The following DUSP15 variants were observed in gnomAD, a reference collection of about 807,000 sequenced individuals.
DUSP15 encodes dual specificity protein phosphatase 15.
In DUSP15, 23 loss-of-function variants were observed where a neutral mutation model predicts 26.3. The ratio of observed to expected loss-of-function variants is 0.87; its 90% CI spans 0.63 to 1.24. DUSP15 has a LOEUF of 1.24. Among genes scored for constraint, DUSP15 ranks in the 50% most tolerant of loss-of-function variants. The pLI is 0.00. For synonymous variants in DUSP15, 143 were observed against 135.5 expected (o/e 1.06, Z -0.39); for missense variants, 364 against 320.6 (o/e 1.14, Z -1.03).
intron 2 of DUSP15, among the ~76,000 whole-genome samples, chr20:31,868,292 G>C (rs1600485563): frequency 2.0e-5 from 3 of 152,116 alleles, no homozygotes; most frequent in South Asian, 4.1e-4. Context: ...AATCAAGGTG[G>C]CATGAGCGGC....
In DUSP15 at chr20:31,861,657, C is replaced by G. The variant is rs770784968; in HGVS notation, c.454G>C (p.Glu152Gln). ...SSQKLRRQLE[E>Q]RFGESPFRDE... ...CGGAAGGGGCTCTCGCCGAAGCGCT[C>G]CTCCAGCTGCCGGCGAAGCTGGGGT... The change falls in exon 7 of 7, where the codon GAG (glutamate) becomes CAG (glutamine). Residue 152 changes from glutamate (E) to glutamine (Q), a missense_variant. Transcript: ENST00000339738. 6.7e-7 allele frequency: 1 copy of G among 1,481,756 alleles called. No individual in the cohort carries two copies. Among genetic ancestry groups the G allele is most frequent in the Non-Finnish European group, 8.9e-7 (1 of 1,124,396 alleles). 91.8% of individuals were successfully genotyped at this position (1,481,756 alleles called of 1,614,324 possible). A position where few individuals can be genotyped will look rare whatever the true frequency, so the allele number is the denominator to read the frequency against.
chr20:31,846,796 C>T (rs2062382682), downstream of DUSP15, among the ~76,000 whole-genome samples: 1 of 152,188 alleles, frequency 6.6e-6, no homozygotes, highest in Admixed American at 6.5e-5. Context: ...AGAGGCACCT[C>T]AAGACCTTGG....
intron 8 of DUSP15, among the ~76,000 whole-genome samples, chr20:31,849,277 C>G (rs1257505761): frequency 6.6e-6 from 1 of 152,110 alleles, no homozygotes; most frequent in Non-Finnish European, 1.5e-5. Context: ...CGCCTCAAGC[C>G]TTCTCCATGC....
At chr20:31,867,206 C>T in intron 2 of DUSP15, 53 bp from the exon 3 acceptor site, 1 of 1,511,272 alleles carries the variant, frequency 6.6e-7, no homozygotes, top group Non-Finnish European at 9.0e-7. Context: ...GTCCTGATGG[C>T]CAAGTGCGGA....
At chr20:31,861,878 G>GC (rs2062667797) in intron 6 of DUSP15, among the ~76,000 whole-genome samples, 1 of 151,778 alleles carries the variant, frequency 6.6e-6, no homozygotes, top group Non-Finnish European at 1.5e-5. Flanking sequence ...CTTCTAGGAG[G>GC]CCCCTCCCTC....
At chr20:31,868,232 C>A (rs1568702042) in intron 2 of DUSP15, among the ~76,000 whole-genome samples, 1 of 152,158 alleles carries the variant, frequency 6.6e-6, no homozygotes, top group Non-Finnish European at 1.5e-5. Flanking sequence ...CCTTATGGGG[C>A]CTGCACACTT....
chr20:31,848,165 T>C, exon 10 of DUSP15: 1 of 497,052 alleles, frequency 2.0e-6, no homozygotes, highest in South Asian at 3.1e-5. Flanking sequence ...CTGCTCCAGT[T>C]GCTGCCTTTC....
At chr20:31,855,560 G>A (rs952303251) in intron 6 of DUSP15, among the ~76,000 whole-genome samples, 1 of 152,234 alleles carries the variant, frequency 6.6e-6, no homozygotes, top group Non-Finnish European at 1.5e-5. Flanking sequence ...TCACATGTGT[G>A]TGACAGTGGT....
intron 2 of DUSP15, among the ~76,000 whole-genome samples, chr20:31,868,599 C>A (rs1302481412): frequency 1.3e-5 from 2 of 151,762 alleles, no homozygotes; most frequent in African/African-American, 2.4e-5. Context: ...CCTGCCTCAG[C>A]CTCCCAAGTA....
At chr20:31,856,335 T>C (rs1434752164), downstream of DUSP15, among the ~76,000 whole-genome samples, 1 of 151,790 alleles carries the variant, frequency 6.6e-6, no homozygotes, top group East Asian at 1.9e-4. Flanking sequence ...AGTGAGGAAT[T>C]GAGACTCCTT....
chr20:31,857,308 C>T (rs1261960001), downstream of DUSP15, among the ~76,000 whole-genome samples: 1 of 151,792 alleles, frequency 6.6e-6, no homozygotes, highest in African/African-American at 2.4e-5. Context: ...TTTCTAAATG[C>T]AAATCTGGTC....
At position 31,861,431 on chromosome 20, in the gene DUSP15, C is replaced by T. The variant is rs200474617; in HGVS notation, c.680G>A (p.Arg227Gln). Reference sequence around the variant, plus strand: ...CTTGCCGCCCTTGCGGGACAGACACCGGGGGAGGCAAGAGAAAGTCTGCTT... The same window carrying T: ...CTTGCCGCCCTTGCGGGACAGACACTGGGGGAGGCAAGAGAAAGTCTGCTT... ...RVKQTFSCLPRCLSRKGGK is the reference protein window; with the variant it reads ...RVKQTFSCLPQCLSRKGGK The change falls in exon 7 of 7, where the codon CGG (arginine) becomes CAG (glutamine). Residue 227 changes from arginine to glutamine, a missense_variant. Physicochemically the swap from Arg to Gln is conservative, Grantham distance 43 (BLOSUM62 1). Transcript: ENST00000339738. 148 of 1,546,910 alleles carry T rather than the reference C, an allele frequency of 9.6e-5. No individual in the cohort carries two copies. The highest frequency in any genetic ancestry group is 8.4e-4 in the Admixed American group (46 of 54,502).
In DUSP15 at chr20:31,870,118, G is replaced by C. The variant is rs2062888683; in HGVS notation, c.21+199C>G. 37 of 1,243,568 alleles carry C rather than the reference G, an allele frequency of 3.0e-5. No homozygotes were observed. Among genetic ancestry groups the C allele is most frequent in the Non-Finnish European group, 3.7e-5 (37 of 993,606 alleles). The allele number at this position is 1,243,568 out of a possible 1,614,324, so 77.0% of individuals were successfully genotyped here. On this transcript the variant is annotated intron_variant, in intron 1 of 6. Coordinates refer to ENST00000339738, the MANE Select transcript of DUSP15 (RefSeq NM_080611.5). The surrounding 1 kb of genome is among the most constrained non-coding windows in gnomAD (Gnocchi z 6.6). ...CACACAGAGTCACGGAGAGAGGGCG[G>C]ACACAGCGGGGACAGAGACGCAGGG...
At position 31,864,938 on chromosome 20, in the gene DUSP15, TC is replaced by T. The variant is rs755579137; in HGVS notation, c.188+14del. ...AGCTGTCTGTCCATCTATGGGTCCA[TC>T]CAGGGGAACTTACATGGGTACCTCA... On this transcript the variant is annotated intron_variant, in intron 4 of 6. Transcript: ENST00000339738. 1.2e-6 allele frequency: 2 copies of T among 1,612,104 alleles called. No homozygotes were observed. The highest frequency in any genetic ancestry group is 1.3e-5 in the African/African-American group (1 of 74,798).
downstream of DUSP15, among the ~76,000 whole-genome samples, chr20:31,857,306 T>C (rs1460996577): frequency 6.6e-6 from 1 of 151,790 alleles, no homozygotes; most frequent in Non-Finnish European, 1.5e-5. Flanking sequence ...TCTTTCTAAA[T>C]GCAAATCTGG....
chr20:31,863,583 C>T, intron 5 of DUSP15: 1 of 266,756 alleles, frequency 3.7e-6, no homozygotes, highest in South Asian at 6.4e-5. Context: ...GAGGGAGGCC[C>T]AGAACTACTG....
Position 31,867,119 on chromosome 20 carries a change from C to A in DUSP15, c.90G>T (p.Lys30Asn). 1 of 1,592,002 alleles carries A rather than the reference C, an allele frequency of 6.3e-7. No individual in the cohort carries two copies. Among genetic ancestry groups the A allele is most frequent in the East Asian group, 2.3e-5 (1 of 44,060 alleles). Reference protein sequence around the residue: ...AKDLDQLGRNKITHIISIHES... With the variant: ...AKDLDQLGRNNITHIISIHES... ...CATGGATAGAGATGATGTGTGTGAT[C>A]TTATTTCGGCCCAGCTGATCCAGGT... Residue 30 changes from lysine to asparagine, a missense_variant, in exon 3 of 7, where the codon AAG (lysine) becomes AAT (asparagine). By Grantham distance (94) the Lys-to-Asn change is moderately conservative (BLOSUM62 0). Coordinates refer to ENST00000339738, the MANE Select transcript of DUSP15 (RefSeq NM_080611.5).
intron 6 of DUSP15, 63 bp from the exon 7 acceptor site, chr20:31,861,738 G>GGGGCCCCCCCC: frequency 7.7e-7 from 1 of 1,290,714 alleles, no homozygotes; most frequent in Non-Finnish European, 1.0e-6. Context: ...AAGGCAGCCG[G>GGGGCCCCCCCC]CCCCGCCCCC....
At chr20:31,853,610 C>G (rs1235447706) in intron 6 of DUSP15, among the ~76,000 whole-genome samples, 2 of 151,534 alleles carry the variant, frequency 1.3e-5, no homozygotes, top group Non-Finnish European at 2.9e-5. Context: ...TCACATGAGC[C>G]CAGGAGGTCG....
Sources: allele counts gnomAD v4.1 joint callset (sites outside exome capture counted in the v4.1 genomes callset), GRCh38; gene constraint gnomAD v4.1.1; non-coding constraint Gnocchi (gnomAD v3.1); transcripts MANE v1.5; gene names NCBI Gene and HGNC (gene_info 2026-07-23, HGNC 2026-07-21).